Variants in FLRT2 observed in about 807,000 individuals in gnomAD.
FLRT2 encodes the protein fibronectin leucine rich transmembrane protein 2.
A neutral mutation model predicts 40.0 loss-of-function variants in FLRT2; 15 were observed. The observed-to-expected ratio is 0.38, with a 90% CI of 0.25 to 0.58. The LOEUF is 0.58. Among genes scored for constraint, FLRT2 ranks in the 20% least tolerant of loss-of-function variants. The pLI, the probability that FLRT2 is intolerant of heterozygous loss-of-function variation, is 0.71. For missense variants in FLRT2, 726 were observed against 840.0 expected, an observed-to-expected ratio of 0.86 and a Z score of 1.68; for synonymous variants, 380 against 336.8, an observed-to-expected ratio of 1.13 and a Z score of -1.41.
At chr14:85,613,939 A>G (rs1435964371) in intron 1 of FLRT2, among the ~76,000 whole-genome samples, 3 of 152,220 alleles carry the variant, frequency 2.0e-5, no homozygotes, top group Non-Finnish European at 4.4e-5. Context: ...GTAAAAGTTG[A>G]TGGATTCAGT....
Position 85,553,241 on chromosome 14 carries a change from C to T in FLRT2, c.-377+22707C>T, listed in dbSNP as rs567538015. ...GTGCAGCATTAAGGTTTATTGGCCA[C>T]AAAACACAGATAAAGACTGTGATGA... On this transcript the variant is annotated intron_variant, in intron 1 of 1. Transcript: ENST00000330753. 5.9e-5 allele frequency among the ~76,000 whole-genome samples: 9 copies of T among 152,160 alleles called. No homozygotes were observed. In the South Asian group the frequency reaches 1.5e-3, roughly 25 times the overall value.
intron 1 of FLRT2, among the ~76,000 whole-genome samples, chr14:85,607,138 C>T (rs961249441): frequency 6.6e-6 from 1 of 152,016 alleles, no homozygotes; most frequent in Admixed American, 6.5e-5. Flanking sequence ...AATGCATGAT[C>T]TATTGGGTTA....
intron 1 of FLRT2, among the ~76,000 whole-genome samples, chr14:85,542,339 A>C (rs892692773): frequency 1.3e-5 from 2 of 152,124 alleles, no homozygotes; most frequent in Non-Finnish European, 2.9e-5. Flanking sequence ...TGTTCCATTC[A>C]ACATTTGAGA....
chr14:85,603,165 C>G (rs1892454897), intron 1 of FLRT2, among the ~76,000 whole-genome samples: 1 of 152,070 alleles, frequency 6.6e-6, no homozygotes, highest in South Asian at 2.1e-4. Flanking sequence ...GTCCTCTCTC[C>G]TAAATAATGT....
intron 1 of FLRT2, among the ~76,000 whole-genome samples, chr14:85,609,698 C>T (rs1278425577): frequency 2.0e-5 from 3 of 152,166 alleles, no homozygotes; most frequent in Non-Finnish European, 4.4e-5. Flanking sequence ...TTAAATGGGG[C>T]CTGCCCTCTG....
intron 1 of FLRT2, among the ~76,000 whole-genome samples, chr14:85,563,868 G>A (rs79450194): frequency 0.012 from 1,897 of 152,272 alleles, 23 homozygotes; most frequent in Middle Eastern, 0.024. Context: ...TTTCCTCTTA[G>A]GTGGAGACCA....
At chr14:85,562,646 C>A in intron 1 of FLRT2, 1 of 81,942 alleles carries the variant, frequency 1.2e-5, no homozygotes, top group African/African-American at 4.6e-5. Context: ...AATCTAGACT[C>A]AAGATATATT....
intron 1 of FLRT2, among the ~76,000 whole-genome samples, chr14:85,593,303 G>A (rs1235726720): frequency 6.6e-6 from 1 of 152,114 alleles, no homozygotes; most frequent in Non-Finnish European, 1.5e-5. Context: ...CAATGTCTGT[G>A]TGTCCAGTTC....
chr14:85,614,908 G>A (rs1238289725), intron 1 of FLRT2, among the ~76,000 whole-genome samples: 1 of 152,190 alleles, frequency 6.6e-6, no homozygotes, highest in Non-Finnish European at 1.5e-5. Context: ...TGGATTGAAA[G>A]TACATAGACA....
At position 85,621,628 on chromosome 14, in the gene FLRT2, T is replaced by C. The variant is rs144800875; in HGVS notation, c.114T>C (p.Ser38=). The change falls in exon 2 of 2, where the codon AGT becomes AGC. Residue 38 remains serine (S), a synonymous_variant. Transcript: ENST00000330753. ...TGTCCAAACTCCTGGCCTGCCCTAG[T>C]GTGTGCCGCTGCGACAGGAACTTTG... is the stretch of plus-strand genomic sequence containing the variant. The part of the protein sequence containing the change: ...SQVSKLLACP[S]VCRCDRNFVY... 195 of 1,614,104 alleles carry C rather than the reference T, an allele frequency of 1.2e-4. No individual in the cohort carries two copies. The African/African-American group carries it at 2.4e-3, about 20-fold the overall frequency.
chr14:85,623,559 G>T lies in FLRT2; in HGVS notation c.*62G>T. Reference sequence around the variant, plus strand: ...GACTCTTGAGAACACACTCGTGTGTGCACATAAAGACACGCAGATTACATT... The same window carrying T: ...GACTCTTGAGAACACACTCGTGTGTTCACATAAAGACACGCAGATTACATT... On this transcript the variant is annotated 3_prime_UTR_variant, in exon 2 of 2. Coordinates refer to ENST00000330753, the MANE Select transcript of FLRT2 (RefSeq NM_013231.6). 7.9e-7 allele frequency: 1 copy of T among 1,264,008 alleles called. No homozygotes were observed. Among genetic ancestry groups the T allele is most frequent in the Non-Finnish European group, 1.0e-6 (1 of 959,702 alleles). 78.3% of individuals were successfully genotyped at this position (1,264,008 alleles called of 1,614,324 possible).
At chr14:85,575,818 G>A (rs969884843) in intron 1 of FLRT2, among the ~76,000 whole-genome samples, 12 of 152,170 alleles carry the variant, frequency 7.9e-5, no homozygotes, top group African/African-American at 2.2e-4. Context: ...ATGCCTTCAC[G>A]TCTGTGTGTC....
In FLRT2 at chr14:85,632,357, A is replaced by T. The variant is rs1289519683; in HGVS notation, c.*8860A>T. 2 of 151,490 alleles carry T rather than the reference A, an allele frequency of 1.3e-5. No homozygotes were observed. Among genetic ancestry groups the T allele is most frequent in the African/African-American group, 2.4e-5 (1 of 41,230 alleles). The allele number at this position is 151,490 out of a possible 1,614,324, so 9.4% of individuals were successfully genotyped here. On this transcript the variant is annotated 3_prime_UTR_variant, in exon 2 of 2. Coordinates refer to ENST00000330753, the MANE Select transcript of FLRT2 (RefSeq NM_013231.6). ...CTTGGTGGTGCGTGCCTGTAGTCCC[A>T]GCTACTCAGGAGGCTGAGGCAGGAG...
chr14:85,609,454 C>T (rs1013111712), intron 1 of FLRT2, among the ~76,000 whole-genome samples: 6 of 152,132 alleles, frequency 3.9e-5, no homozygotes, highest in Non-Finnish European at 7.4e-5. Flanking sequence ...GGAGATAGAA[C>T]ATTTGGAGAA....
intron 1 of FLRT2, among the ~76,000 whole-genome samples, chr14:85,599,725 T>C (rs561645528): frequency 6.6e-6 from 1 of 152,308 alleles, no homozygotes; most frequent in South Asian, 2.1e-4. Context: ...CCTTCTTTCC[T>C]CCTTTTCTTT....
intron 1 of FLRT2, among the ~76,000 whole-genome samples, chr14:85,612,202 A>G (rs1007802281): frequency 2.6e-5 from 4 of 151,518 alleles, no homozygotes; most frequent in African/African-American, 9.7e-5. Flanking sequence ...CAAAAATATG[A>G]GCTTTTTGCC....
In FLRT2 at chr14:85,644,810, C is replaced by CTTTGCTACT. The variant is rs1183443295; in HGVS notation, c.*21315_*21323dup. 1.3e-5 allele frequency: 2 copies of CTTTGCTACT among 152,134 alleles called. No homozygotes were observed. The highest frequency in any genetic ancestry group is 4.8e-5 in the African/African-American group (2 of 41,416). 9.4% of individuals were successfully genotyped at this position (152,134 alleles called of 1,614,324 possible). A position where few individuals can be genotyped will look rare whatever the true frequency, so the allele number is the denominator to read the frequency against. On this transcript the variant is annotated 3_prime_UTR_variant, in exon 2 of 2. Transcript: ENST00000330753. Reference sequence around the variant, plus strand: ...TCCAGGCTGTGGTCCAGGCTGCTGTCTTTGCTACTTGGTTACAATGATCCA... The same window carrying CTTTGCTACT: ...TCCAGGCTGTGGTCCAGGCTGCTGTCTTTGCTACTTTTGCTACTTGGTTACAATGATCCA...
chr14:85,609,738 C>T (rs994634418), intron 1 of FLRT2, among the ~76,000 whole-genome samples: 8 of 152,178 alleles, frequency 5.3e-5, no homozygotes, highest in Admixed American at 6.5e-5. Flanking sequence ...GGAGCAGCCC[C>T]GCACCTCTAT....
At chr14:85,547,567 C>G (rs1285916970) in intron 1 of FLRT2, among the ~76,000 whole-genome samples, 1 of 152,112 alleles carries the variant, frequency 6.6e-6, no homozygotes, top group Non-Finnish European at 1.5e-5. Context: ...TGTGATCCGC[C>G]CGCCTTGACC....
Sources: allele counts gnomAD v4.1 joint callset (sites outside exome capture counted in the v4.1 genomes callset), GRCh38; gene constraint gnomAD v4.1.1; transcripts MANE v1.5; gene names NCBI Gene and HGNC (gene_info 2026-07-23, HGNC 2026-07-21).